Variants in L3MBTL4 observed in about 807,000 individuals in gnomAD.
The protein encoded by L3MBTL4 is lethal(3)malignant brain tumor-like protein 4.
In L3MBTL4, 70 loss-of-function variants were observed where a neutral mutation model predicts 84.5. The ratio of observed to expected loss-of-function variants is 0.83; its 90% confidence interval spans 0.68 to 1.01. The LOEUF (loss-of-function observed/expected upper bound fraction) is 1.01, where lower values mean the gene tolerates loss of function less well. Ranked by LOEUF, L3MBTL4 falls within the 50% of genes least tolerant of loss-of-function variation. L3MBTL4 has a pLI of 0.00. For synonymous variants in L3MBTL4, 274 were observed against 259.8 expected, an observed-to-expected ratio of 1.05 and a Z score of -0.52; for missense variants, 715 against 754.8, an observed-to-expected ratio of 0.95 and a Z score of 0.62.
At chr18:6,121,204 C>T (rs1195318513) in intron 14 of L3MBTL4, among the ~76,000 whole-genome samples, 2 of 152,190 alleles carry the variant, frequency 1.3e-5, no homozygotes. Context: ...TACAGATGCA[C>T]AGCACCACAT....
At chr18:5,985,370 A>G (rs2053421769) in intron 16 of L3MBTL4, among the ~76,000 whole-genome samples, 1 of 152,304 alleles carries the variant, frequency 6.6e-6, no homozygotes, top group African/African-American at 2.4e-5. Flanking sequence ...TTCTGTTCCC[A>G]GTAACTAAAA....
At chr18:6,118,171 ACTCT>A (rs144219677) in intron 14 of L3MBTL4, among the ~76,000 whole-genome samples, 14 of 140,054 alleles carry the variant, frequency 1.0e-4, no homozygotes, top group East Asian at 2.0e-4. Context: ...ATGCAAACTC[ACTCT>A]CTCTCTCTCT....
At chr18:6,397,484 A>T (rs1447679135) in intron 1 of L3MBTL4, 1 of 152,214 alleles carries the variant, frequency 6.6e-6, no homozygotes, top group East Asian at 1.9e-4. Context: ...AAGAGCCCAA[A>T]TTGAAAAATC....
chr18:6,078,808 A>G (rs2057963762), intron 16 of L3MBTL4, among the ~76,000 whole-genome samples: 1 of 152,186 alleles, frequency 6.6e-6, no homozygotes, highest in Non-Finnish European at 1.5e-5. Flanking sequence ...TGAAATAATT[A>G]TGTAACTCAC....
intron 1 of L3MBTL4, among the ~76,000 whole-genome samples, chr18:6,335,526 A>C (rs979157182): frequency 6.6e-6 from 1 of 152,242 alleles, no homozygotes; most frequent in Non-Finnish European, 1.5e-5. Flanking sequence ...AATGATATGC[A>C]TTAAAGATCA....
chr18:6,007,004 T>C (rs1480765453), intron 16 of L3MBTL4, among the ~76,000 whole-genome samples: 4 of 151,980 alleles, frequency 2.6e-5, no homozygotes, highest in African/African-American at 9.7e-5. Flanking sequence ...TTGAAGAAAA[T>C]ATAGCAGAAT....
At chr18:6,118,864 A>G (rs1341509245) in intron 14 of L3MBTL4, among the ~76,000 whole-genome samples, 2 of 152,176 alleles carry the variant, frequency 1.3e-5, no homozygotes, top group East Asian at 1.9e-4. Context: ...GGGGTTTGCA[A>G]TGTGTTTGCA....
chr18:6,361,868 C>A (rs1341900667), intron 1 of L3MBTL4, among the ~76,000 whole-genome samples: 1 of 152,026 alleles, frequency 6.6e-6, no homozygotes, highest in Non-Finnish European at 1.5e-5. Context: ...GCAGTCCCAG[C>A]ACTTTGGGAG....
In L3MBTL4 at chr18:6,171,905, C is replaced by T. The variant is rs866673091; in HGVS notation, c.1019G>A (p.Trp340Ter). The change falls in exon 13 of 19, where the codon TGG becomes TAG. Residue 340 changes from tryptophan to a stop codon, truncating the protein, a stop_gained. Transcript: ENST00000317931. LOFTEE classifies it high-confidence loss of function. ...FDGWDHKYDY[W>*]VEADSPDIHP... ...GATATCAGGGCTGTCTGCCTCCACC[C>T]AGTAGTCATACTTATGGTCCCAACC... The T allele has an allele frequency of 6.4e-7, 1 of 1,556,524 alleles. No homozygotes were observed.
chr18:6,113,617 T>A (rs1435554930), intron 14 of L3MBTL4, among the ~76,000 whole-genome samples: 3 of 152,190 alleles, frequency 2.0e-5, no homozygotes, highest in Non-Finnish European at 4.4e-5. Context: ...TATTTTGCTT[T>A]ATTTGGTAAA....
intron 1 of L3MBTL4, among the ~76,000 whole-genome samples, chr18:6,341,736 A>G (rs892238505): frequency 2.6e-5 from 4 of 152,144 alleles, no homozygotes; most frequent in African/African-American, 9.6e-5. Context: ...TTTAAAAATT[A>G]AGACAGAAAA....
chr18:6,339,585 A>C (rs1038403407), intron 1 of L3MBTL4, among the ~76,000 whole-genome samples: 9 of 68,246 alleles, frequency 1.3e-4, no homozygotes, highest in Admixed American at 4.1e-4. Context: ...TTTTAAAAAG[A>C]AAATCATTTT....
chr18:6,280,255 A>G (rs1484838827), intron 4 of L3MBTL4, among the ~76,000 whole-genome samples: 1 of 152,204 alleles, frequency 6.6e-6, no homozygotes, highest in Non-Finnish European at 1.5e-5. Context: ...ATCATCTAAA[A>G]CAGTTTCATA....
At chr18:6,340,809 C>G (rs1744258353) in intron 1 of L3MBTL4, among the ~76,000 whole-genome samples, 1 of 152,138 alleles carries the variant, frequency 6.6e-6, no homozygotes, top group African/African-American at 2.4e-5. Context: ...CACAATGATG[C>G]ACATGAGCCC....
At chr18:6,144,962 C>A (rs976960922) in intron 13 of L3MBTL4, among the ~76,000 whole-genome samples, 2 of 152,186 alleles carry the variant, frequency 1.3e-5, no homozygotes, top group African/African-American at 4.8e-5. Flanking sequence ...CACCAGTGAT[C>A]TGTCATGCAA....
At chr18:6,171,142 A>G (rs1013779032) in intron 13 of L3MBTL4, among the ~76,000 whole-genome samples, 6 of 152,214 alleles carry the variant, frequency 3.9e-5, no homozygotes, top group African/African-American at 1.2e-4. Flanking sequence ...GCTTCATGCT[A>G]AGAAACCAAT....
chr18:5,960,325 C>T (rs932952713), intron 17 of L3MBTL4, among the ~76,000 whole-genome samples, 169 bp from the exon 18 acceptor site: 2 of 152,100 alleles, frequency 1.3e-5, no homozygotes, highest in South Asian at 2.1e-4. Flanking sequence ...ATTAGACCAG[C>T]CCCCAGTATT....
chr18:6,035,359 G>C (rs62076854), intron 16 of L3MBTL4, among the ~76,000 whole-genome samples: 156 of 152,050 alleles, frequency 1.0e-3, no homozygotes, highest in African/African-American at 2.8e-3. Flanking sequence ...TTTCAGCTTT[G>C]TACATATGGC....
At chr18:6,167,476 A>G (rs1313840761) in intron 13 of L3MBTL4, among the ~76,000 whole-genome samples, 1 of 152,200 alleles carries the variant, frequency 6.6e-6, no homozygotes, top group Non-Finnish European at 1.5e-5. Context: ...AAGCTTATCC[A>G]CCATGATCAA....
Sources: allele counts gnomAD v4.1 joint callset (sites outside exome capture counted in the v4.1 genomes callset), GRCh38; gene constraint gnomAD v4.1.1; transcripts MANE v1.5; gene names NCBI Gene and HGNC (gene_info 2026-07-23, HGNC 2026-07-21).